The following ZNF101 variants were observed in gnomAD, a reference collection of about 807,000 sequenced individuals.
ZNF101 encodes the protein zinc finger protein 101 (Y2).
A neutral mutation model predicts 42.6 loss-of-function variants in ZNF101; 34 were observed. The ratio of observed to expected loss-of-function variants is 0.80; its 90% CI spans 0.61 to 1.06. ZNF101 has a LOEUF of 1.06. Ranked by LOEUF, ZNF101 falls within the 50% of genes least tolerant of loss-of-function variation. ZNF101 has a pLI of 0.00. For synonymous variants in ZNF101, 158 were observed against 183.9 expected, an observed-to-expected ratio of 0.86 and a Z score of 1.14; for missense variants, 466 against 530.9, an observed-to-expected ratio of 0.88 and a Z score of 1.20.
intron 2 of ZNF101, among the ~76,000 whole-genome samples, chr19:19,678,237 A>AG (rs1244460914): frequency 1.3e-5 from 2 of 151,552 alleles, no homozygotes; most frequent in Admixed American, 6.6e-5. Context: ...TTAAAAAAAA[A>AG]AAAAAAAAGT....
At chr19:19,678,139 C>T in intron 2 of ZNF101, 149 bp downstream of exon 2, 1 of 1,228,528 alleles carries the variant, frequency 8.1e-7, no homozygotes, top group Non-Finnish European at 1.1e-6. Flanking sequence ...CCCTTGTAAT[C>T]CTAGTGCTTT....
chr19:19,671,978 C>G (rs2062173079), intron 1 of ZNF101, among the ~76,000 whole-genome samples: 1 of 151,352 alleles, frequency 6.6e-6, no homozygotes, highest in African/African-American at 2.4e-5. Flanking sequence ...ATTCTAGGTA[C>G]TTGAGAGGCT....
intron 1 of ZNF101, among the ~76,000 whole-genome samples, chr19:19,669,679 A>G (rs1229459427): frequency 6.6e-6 from 1 of 151,990 alleles, no homozygotes; most frequent in Non-Finnish European, 1.5e-5. Flanking sequence ...TTCAGTAGAG[A>G]CAGGTTCACC....
At chr19:19,671,283 G>A (rs2062167962) in intron 1 of ZNF101, among the ~76,000 whole-genome samples, 1 of 152,180 alleles carries the variant, frequency 6.6e-6, no homozygotes, top group Non-Finnish European at 1.5e-5. Flanking sequence ...TTTGGGATAA[G>A]TTTGGCAACA....
At position 19,679,519 on chromosome 19, in the gene ZNF101, C is replaced by G. The variant is rs753860521; in HGVS notation, c.530C>G (p.Ala177Gly). 1.1e-5 allele frequency: 17 copies of G among 1,614,008 alleles called. No homozygotes were observed. In the South Asian group the frequency reaches 1.2e-4, roughly 11 times the overall value. Residue 177 changes from alanine (A) to glycine (G), a missense_variant, in exon 4 of 4, where the codon GCC becomes GGC. By Grantham distance (60) the Ala-to-Gly change is moderately conservative. Transcript: ENST00000592502. ...RPYECKVCGK[A>G]FNSPNLFQIH... ...TATGAATGCAAGGTGTGCGGGAAAG[C>G]CTTTAATTCTCCCAATTTATTTCAA...
At chr19:19,670,220 G>C (rs1246993914) in intron 1 of ZNF101, among the ~76,000 whole-genome samples, 2 of 152,172 alleles carry the variant, frequency 1.3e-5, no homozygotes, top group Admixed American at 6.5e-5. Flanking sequence ...GGGATTCCCT[G>C]CTGGCCCTTG....
chr19:19,669,046 G>T, intron 1 of ZNF101, 80 bp downstream of exon 1: 2 of 1,518,652 alleles, frequency 1.3e-6, no homozygotes, highest in South Asian at 2.4e-5. Flanking sequence ...GGGCCTCCCC[G>T]CGGCGACTGT....
At chr19:19,677,241 C>G (rs956556955) in intron 1 of ZNF101, 1 of 152,276 alleles carries the variant, frequency 6.6e-6, no homozygotes, top group Non-Finnish European at 1.5e-5. Flanking sequence ...GACATATTGT[C>G]TCCCAGGAAA....
chr19:19,668,616 A>G (rs377374235), upstream of ZNF101, among the ~76,000 whole-genome samples: 90 of 152,212 alleles, frequency 5.9e-4, 1 homozygote, highest in Middle Eastern at 6.8e-3. Flanking sequence ...TCCAGGTCCA[A>G]GGTCCCAGCG....
rs2062225164 is a variant in ZNF101, at chr19:19,679,600, G to A, written c.611G>A (p.Arg204Lys). The A allele has an allele frequency of 6.2e-7, 1 of 1,613,472 alleles. No individual in the cohort carries two copies. Among genetic ancestry groups the A allele is most frequent in the Non-Finnish European group, 8.5e-7 (1 of 1,179,710 alleles). ...KRSYKCREIV[R>K]AFTVSSFFRK... is the part of the protein sequence containing the mutation. ...TCCTATAAATGTAGGGAAATAGTGA[G>A]AGCCTTCACAGTTTCCAGTTTCTTT... Residue 204 changes from arginine (R) to lysine (K), a missense_variant, in exon 4 of 4, where the codon AGA becomes AAA. Transcript: ENST00000592502.
intron 1 of ZNF101, among the ~76,000 whole-genome samples, chr19:19,674,944 C>T (rs1180823891): frequency 6.6e-6 from 1 of 151,636 alleles, no homozygotes; most frequent in Non-Finnish European, 1.5e-5. Flanking sequence ...CCTCAACCTC[C>T]CCAGTAGCTG....
chr19:19,669,452 G>A (rs1487263540), intron 1 of ZNF101, among the ~76,000 whole-genome samples: 1 of 152,152 alleles, frequency 6.6e-6, no homozygotes, highest in African/African-American at 2.4e-5. Flanking sequence ...CCAACCCTAA[G>A]TTCTCCCTCC....
At chr19:19,671,093 C>G (rs2062166285) in intron 1 of ZNF101, among the ~76,000 whole-genome samples, 2 of 152,016 alleles carry the variant, frequency 1.3e-5, no homozygotes, top group Non-Finnish European at 1.5e-5. Flanking sequence ...CGCGACAGAG[C>G]GAGACTCCAT....
rs551033773 is a variant in ZNF101 at position 19,677,958 on chromosome 19, C to T, written c.98C>T (p.Thr33Met). The change falls in exon 2 of 4, where the codon ACG becomes ATG. Residue 33 changes from threonine (T) to methionine (M), a missense_variant. Coordinates refer to ENST00000592502, the MANE Select transcript of ZNF101 (RefSeq NM_033204.4). Reference protein sequence around the residue: ...PSQKNLYRDVTLETFRNLASV... With the variant: ...PSQKNLYRDVMLETFRNLASV... ...CAGAAGAATCTCTACAGAGATGTGA[C>T]GCTGGAAACCTTCAGGAACCTGGCC... 57 of 1,612,126 alleles carry T rather than the reference C, an allele frequency of 3.5e-5. No homozygotes were observed. In the Middle Eastern group the frequency reaches 8.3e-4, roughly 23 times the overall value.
chr19:19,668,689 C>T, upstream of ZNF101: 2 of 445,128 alleles, frequency 4.5e-6, no homozygotes, highest in Non-Finnish European at 8.1e-6. Flanking sequence ...TTGAGGATTC[C>T]GATCACCTCT....
Position 19,679,248 on chromosome 19 carries a change from C to G in ZNF101, c.259C>G (p.Pro87Ala), listed in dbSNP as rs750915472. 2.0e-5 allele frequency: 32 copies of G among 1,614,070 alleles called. No homozygotes were observed. Among genetic ancestry groups the G allele is most frequent in the Non-Finnish European group, 2.5e-5 (30 of 1,180,046 alleles). Residue 87 changes from proline (P) to alanine (A), a missense_variant, in exon 4 of 4, where the codon CCT (proline) becomes GCT (alanine). Transcript: ENST00000592502. ...ACACAGAGAAACTTTCAGCCAGATTCCTGATTGTCACCTGAACAAGAAAAG... is the reference window on the plus strand; with the variant it reads ...ACACAGAGAAACTTTCAGCCAGATTGCTGATTGTCACCTGAACAAGAAAAG... ...NEHRETFSQI[P>A]DCHLNKKSQT...
At chr19:19,671,592 C>T (rs1003501276) in intron 1 of ZNF101, among the ~76,000 whole-genome samples, 4 of 151,724 alleles carry the variant, frequency 2.6e-5, no homozygotes, top group Non-Finnish European at 5.9e-5. Flanking sequence ...CTCCGCCTCC[C>T]GGGTTCACGC....
chr19:19,678,249 G>A (rs560416089), intron 2 of ZNF101, among the ~76,000 whole-genome samples: 6 of 151,786 alleles, frequency 4.0e-5, no homozygotes, highest in Admixed American at 3.9e-4. Context: ...AAAAAAAGTG[G>A]GGGGTGGGCA....
At position 19,679,608 on chromosome 19, in the gene ZNF101, ACAGTTTC is replaced by A; in HGVS notation, c.627_633del (p.Ser210PhefsTer175). On this transcript the variant is annotated frameshift_variant, in exon 4 of 4. Transcript: ENST00000592502. LOFTEE classifies it high-confidence loss of function. ...ATGTAGGGAAATAGTGAGAGCCTTC[ACAGTTTC>A]CAGTTTCTTTCGAAAACATGGAAAA... is the stretch of plus-strand genomic sequence containing the variant. 6.2e-6 allele frequency: 10 copies of A among 1,613,276 alleles called. No individual in the cohort carries two copies. Among genetic ancestry groups the A allele is most frequent in the Non-Finnish European group, 8.5e-6 (10 of 1,179,540 alleles).
Sources: allele counts gnomAD v4.1 joint callset (sites outside exome capture counted in the v4.1 genomes callset), GRCh38; gene constraint gnomAD v4.1.1; transcripts MANE v1.5; gene names NCBI Gene and HGNC (gene_info 2026-07-23, HGNC 2026-07-21).